The following PIEZO1 variants were observed in gnomAD, a reference collection of about 807,000 sequenced individuals.
The protein encoded by PIEZO1 is piezo-type mechanosensitive ion channel component 1.
Under a neutral mutation model 297.2 loss-of-function variants are expected in PIEZO1, and 296 were observed. That is an observed-to-expected ratio of 1.00 (90% CI 0.91 to 1.10). PIEZO1 has a LOEUF of 1.10. Ranked by LOEUF, PIEZO1 falls within the 50% of genes least tolerant of loss-of-function variation. The pLI is 0.00. For missense variants in PIEZO1, 5,018 were observed against 3,455.5 expected, an observed-to-expected ratio of 1.45 and a Z score of -11.34; for synonymous variants, 2,427 against 1,507.5, an observed-to-expected ratio of 1.61 and a Z score of -14.13.
At chr16:88,727,521 T>G (rs958012239) in intron 23 of PIEZO1, 36 bp downstream of exon 23, 5 of 766,226 alleles carry the variant, frequency 6.5e-6, no homozygotes, top group Admixed American at 2.7e-5. Context: ...ACTCTGAGGG[T>G]CCTCTGCAGA....
chr16:88,715,526 C>G lies in PIEZO1; in HGVS notation c.*79G>C, dbSNP rs997942023. The G allele has an allele frequency of 3.6e-6, 5 of 1,405,152 alleles. No individual in the cohort carries two copies. The African/African-American group carries it at 4.3e-5, about 12-fold the overall frequency. The allele number at this position is 1,405,152 out of a possible 1,614,324, so 87.0% of individuals were successfully genotyped here. On this transcript the variant is annotated 3_prime_UTR_variant, in exon 51 of 51. Transcript: ENST00000301015. ...GCCTTGGACGGGGCAGTGGCTCCCC[C>G]GGCCTGAGGAGTGCCGCCCCTTGTG...
intron 1 of PIEZO1, among the ~76,000 whole-genome samples, chr16:88,771,215 C>G (rs1169693709): frequency 6.6e-6 from 1 of 152,234 alleles, no homozygotes; most frequent in Non-Finnish European, 1.5e-5. Flanking sequence ...TGCAGGAACT[C>G]TGCACCCAGT....
chr16:88,736,094 A>C lies in PIEZO1; in HGVS notation c.1557+54T>G, dbSNP rs1905193483. ...CAAGTGGACATTGAACAGGACGACA[A>C]CCCTGATGGGTCTGCGCACCCAGGC... On this transcript the variant is annotated intron_variant, in intron 12 of 50. Transcript: ENST00000301015. 2.7e-6 allele frequency: 4 copies of C among 1,486,634 alleles called. No individual in the cohort carries two copies. In the South Asian group the frequency reaches 3.9e-5, roughly 15 times the overall value. The allele number at this position is 1,486,634 out of a possible 1,614,324, so 92.1% of individuals were successfully genotyped here. A position where few individuals can be genotyped will look rare whatever the true frequency, so the allele number is the denominator to read the frequency against.
Position 88,721,249 on chromosome 16 carries a change from C to T in PIEZO1, c.5585G>A (p.Arg1862Lys), listed in dbSNP as rs1455805371. The T allele has an allele frequency of 6.5e-7, 1 of 1,542,728 alleles. No individual in the cohort carries two copies. The highest frequency in any genetic ancestry group is 1.2e-5 in the South Asian group (1 of 84,030). Residue 1862 changes from arginine (R) to lysine (K), a missense_variant, in exon 39 of 51, where the codon AGG (arginine) becomes AAG (lysine). Transcript: ENST00000301015. The stretch of plus-strand genomic sequence containing the variant: ...ACTGATGCGCCTCGTATCACGGGGC[C>T]TGAGCTCCACTTGGGGTTCTGGGGT... ...DGTPEPQVEL[R>K]PRDTRRISLR...
At chr16:88,739,504 G>A (rs372454218) in intron 5 of PIEZO1, 1 of 152,416 alleles carries the variant, frequency 6.6e-6, no homozygotes, top group South Asian at 2.1e-4. Flanking sequence ...TGAGGCGCCA[G>A]GTGCCCGGGC....
At chr16:88,726,671 A>AGCGGGGCCC (rs2142785938) in intron 25 of PIEZO1, 28 bp from the exon 26 acceptor site, 2 of 1,434,960 alleles carry the variant, frequency 1.4e-6, no homozygotes, top group Non-Finnish European at 1.9e-6. Flanking sequence ...CAGCGGGGCC[A>AGCGGGGCCC]GCGGGGCCCC....
At chr16:88,770,345 A>G (rs928715311) in intron 1 of PIEZO1, among the ~76,000 whole-genome samples, 1 of 152,188 alleles carries the variant, frequency 6.6e-6, no homozygotes, top group South Asian at 2.1e-4. Context: ...CCCCGCCTGC[A>G]TCACTTTCTG....
At chr16:88,764,198 G>GCA (rs1488237697) in intron 1 of PIEZO1, among the ~76,000 whole-genome samples, 3 of 151,144 alleles carry the variant, frequency 2.0e-5, no homozygotes, top group Non-Finnish European at 4.4e-5. Flanking sequence ...GGTACGAAAG[G>GCA]GGATGTGCCT....
At chr16:88,733,496 G>A (rs546692103) in intron 18 of PIEZO1, 42 bp from the exon 19 acceptor site, 5 of 1,534,452 alleles carry the variant, frequency 3.3e-6, no homozygotes, top group South Asian at 2.4e-5. Context: ...GGGGAGGGCA[G>A]TGGGCACGTG....
intron 30 of PIEZO1, 92 bp downstream of exon 30, chr16:88,724,917 G>A: frequency 7.5e-6 from 6 of 803,952 alleles, no homozygotes; most frequent in Non-Finnish European, 1.1e-5. Flanking sequence ...GGGAGTCGGG[G>A]GAAGGGAGGG....
chr16:88,726,352 G>T lies in PIEZO1; in HGVS notation c.3900C>A (p.Arg1300=). ...GCAGGTAGTAATGGCTAAGGAAGAC[G>T]CGGCGCTGCAGCAGCAGGAAGAAGA... The part of the protein sequence containing the change: ...VCFFFLLLQR[R]VFLSHYYLHV... Residue 1300 remains arginine, a synonymous_variant, in exon 27 of 51, where the codon CGC becomes CGA. Transcript: ENST00000301015. The T allele has an allele frequency of 2.6e-6, 4 of 1,550,420 alleles. No homozygotes were observed. The highest frequency in any genetic ancestry group is 3.5e-6 in the Non-Finnish European group (4 of 1,146,914).
At chr16:88,775,803 G>A (rs1273781755) in intron 1 of PIEZO1, among the ~76,000 whole-genome samples, 1 of 152,020 alleles carries the variant, frequency 6.6e-6, no homozygotes, top group Non-Finnish European at 1.5e-5. Context: ...GGTAGGGAGA[G>A]TATGTGCAGG....
At chr16:88,749,986 G>C (rs951009910) in intron 1 of PIEZO1, among the ~76,000 whole-genome samples, 1 of 151,596 alleles carries the variant, frequency 6.6e-6, no homozygotes, top group Non-Finnish European at 1.5e-5. Flanking sequence ...TGGCACCACT[G>C]CACTCCAGCC....
intron 1 of PIEZO1, among the ~76,000 whole-genome samples, chr16:88,754,567 G>C (rs920929672): frequency 6.6e-6 from 1 of 152,170 alleles, no homozygotes; most frequent in Non-Finnish European, 1.5e-5. Flanking sequence ...CCTCTAACAC[G>C]GGCTGAACCA....
Position 88,721,891 on chromosome 16 carries a change from G to T in PIEZO1, c.5131C>A (p.Pro1711Thr), listed in dbSNP as rs1156250205. The stretch of plus-strand genomic sequence containing the variant: ...ATGGCCCACAGGAAGACGAGCACGG[G>T]CAGCACCAGCGAGCCGGCGGAGGCC... The part of the protein sequence containing the change: ...VTASAGSLVL[P>T]VLVFLWAMLS... The change falls in exon 37 of 51, where the codon CCC (proline) becomes ACC (threonine). Residue 1711 changes from proline (P) to threonine (T), a missense_variant. By Grantham distance (38) the Pro-to-Thr change is conservative. Coordinates refer to ENST00000301015, the MANE Select transcript of PIEZO1 (RefSeq NM_001142864.4). 6.5e-7 allele frequency: 1 copy of T among 1,550,088 alleles called. No homozygotes were observed. The highest frequency in any genetic ancestry group is 1.2e-5 in the South Asian group (1 of 84,068).
At chr16:88,782,974 G>A (rs115788798) in intron 1 of PIEZO1, among the ~76,000 whole-genome samples, 4 of 152,198 alleles carry the variant, frequency 2.6e-5, no homozygotes, top group Admixed American at 6.5e-5. Flanking sequence ...GGTATGGCCC[G>A]GGCTTCAGCA....
Position 88,721,598 on chromosome 16 carries a change from G to C in PIEZO1, c.5343C>G (p.Gly1781=), listed in dbSNP as rs1202793690. The C allele has an allele frequency of 1.3e-6, 2 of 1,550,192 alleles. No individual in the cohort carries two copies. Among genetic ancestry groups the C allele is most frequent in the Non-Finnish European group, 1.7e-6 (2 of 1,146,926 alleles). Residue 1781 remains glycine (G), a synonymous_variant, in exon 38 of 51, where the codon GGC becomes GGG. Transcript: ENST00000301015. ...PRILGLEKTD[G]YIKYDLVQLM... is the part of the protein sequence containing the mutation. ...GCTGCACCAGGTCGTACTTGATGTA[G>C]CCGTCAGTCTTCTCCAGGCCCAGGA...
chr16:88,750,949 G>A (rs1290175513), intron 1 of PIEZO1, among the ~76,000 whole-genome samples: 4 of 151,856 alleles, frequency 2.6e-5, no homozygotes, highest in African/African-American at 7.3e-5. Context: ...GTGTCCAAGC[G>A]AGACCCCTGG....
chr16:88,727,384 G>GCACACA lies in PIEZO1; in HGVS notation c.3301+167_3301+172dup, dbSNP rs543390070. Reference sequence around the variant, plus strand: ...AGGGCATCTGCACAAGGGCTGCCGTGCACACAGGCTGAGGTCTGCGTGCGT... The same window carrying GCACACA: ...AGGGCATCTGCACAAGGGCTGCCGTGCACACACACACAGGCTGAGGTCTGCGTGCGT... On this transcript the variant is annotated intron_variant, in intron 23 of 50. Transcript: ENST00000301015. 2.4e-3 allele frequency among the ~76,000 whole-genome samples: 371 copies of GCACACA among 152,332 alleles called. 1 individual carries two copies. Among genetic ancestry groups the GCACACA allele is most frequent in the African/African-American group, 8.5e-3 (354 of 41,558 alleles).
Sources: allele counts gnomAD v4.1 joint callset (sites outside exome capture counted in the v4.1 genomes callset), GRCh38; gene constraint gnomAD v4.1.1; transcripts MANE v1.5; gene names NCBI Gene and HGNC (gene_info 2026-07-23, HGNC 2026-07-21).